FTH1: variants seen among roughly 807,000 people sequenced by gnomAD.
The protein encoded by FTH1 is ferritin heavy chain 1, also known as ferritin heavy chain.
Under a neutral mutation model 21.8 loss-of-function variants are expected in FTH1, and 3 were observed. The ratio of observed to expected loss-of-function variants is 0.14; its 90% confidence interval spans 0.06 to 0.36. The LOEUF is 0.36. Among genes scored for constraint, FTH1 ranks in the 10% least tolerant of loss-of-function variants. The pLI is 1.00. For synonymous variants in FTH1, 83 were observed against 90.1 expected (o/e 0.92, Z 0.45); for missense variants, 147 against 225.8 (o/e 0.65, Z 2.24).
rs751983239 is a variant in FTH1, at chr11:61,967,427, G to A, written c.-2C>T. On this transcript the variant is annotated 5_prime_UTR_variant, in exon 1 of 4. Transcript: ENST00000273550. ...CTGCGAGGTGGACGCGGTCGTCATGGCGGCGACTAAGGAGAGGCGGCGGCG... is the reference window on the plus strand; with the variant it reads ...CTGCGAGGTGGACGCGGTCGTCATGACGGCGACTAAGGAGAGGCGGCGGCG... 1.4e-4 allele frequency: 222 copies of A among 1,595,162 alleles called. No individual in the cohort carries two copies. The highest frequency in any genetic ancestry group is 1.7e-4 in the Non-Finnish European group (205 of 1,172,620).
chr11:61,965,837 G>A (rs1942444545), intron 1 of FTH1, among the ~76,000 whole-genome samples: 1 of 152,232 alleles, frequency 6.6e-6, no homozygotes, highest in Non-Finnish European at 1.5e-5. Context: ...GCCAGTGTCA[G>A]AATTCATTGT....
At chr11:61,965,704 T>C in intron 1 of FTH1, 189 bp from the exon 2 acceptor site, 1 of 663,334 alleles carries the variant, frequency 1.5e-6, no homozygotes, top group Non-Finnish European at 2.7e-6. Context: ...GTAATGTTTC[T>C]ATTCTAAAAT....
At chr11:61,965,276 C>A in intron 2 of FTH1, 93 bp downstream of exon 2, 1 of 1,597,922 alleles carries the variant, frequency 6.3e-7, no homozygotes. Flanking sequence ...AGTGTATCAT[C>A]ACTTTATAAG....
rs1565048081 is a variant in FTH1 at position 61,964,410 on chromosome 11, C to A, written c.*317G>T. 9.5e-6 allele frequency: 6 copies of A among 631,654 alleles called. No homozygotes were observed. The highest frequency in any genetic ancestry group is 3.0e-5 in the Admixed American group (1 of 33,640). 39.1% of individuals were successfully genotyped at this position (631,654 alleles called of 1,614,324 possible). A position where few individuals can be genotyped will look rare whatever the true frequency, so the allele number is the denominator to read the frequency against. Reference sequence around the variant, plus strand: ...GTTCTATCTGAATCCAAGACAGCCACACCTTAGTATACTGCCCAAACTAAT... The same window carrying A: ...GTTCTATCTGAATCCAAGACAGCCAAACCTTAGTATACTGCCCAAACTAAT... On this transcript the variant is annotated 3_prime_UTR_variant, in exon 4 of 4. Transcript: ENST00000273550.
Position 61,964,373 on chromosome 11 carries a change from C to T in FTH1, c.*354G>A, listed in dbSNP as rs189937363. 1.1e-4 allele frequency: 82 copies of T among 744,118 alleles called. 2 individuals are homozygous for T. In the Admixed American group the frequency reaches 1.6e-3, roughly 15 times the overall value. 46.1% of individuals were successfully genotyped at this position (744,118 alleles called of 1,614,324 possible). A position where few individuals can be genotyped will look rare whatever the true frequency, so the allele number is the denominator to read the frequency against. On this transcript the variant is annotated 3_prime_UTR_variant, in exon 4 of 4. Transcript: ENST00000273550. Reference sequence around the variant, plus strand: ...TTAACTCAGACTCTGGATTCAGAGTCGGGAACCCTTAGTTCTATCTGAATC... The same window carrying T: ...TTAACTCAGACTCTGGATTCAGAGTTGGGAACCCTTAGTTCTATCTGAATC...
At chr11:61,965,660 G>A (rs973742151) in intron 1 of FTH1, 145 bp from the exon 2 acceptor site, 2 of 832,916 alleles carry the variant, frequency 2.4e-6, no homozygotes, top group East Asian at 2.5e-5. Flanking sequence ...TAAGGAGACT[G>A]GGGGGCAGAT....
chr11:61,964,637 A>G lies in FTH1; in HGVS notation c.*90T>C, dbSNP rs955558265. 48 of 1,362,648 alleles carry G rather than the reference A, an allele frequency of 3.5e-5. No individual in the cohort carries two copies. The highest frequency in any genetic ancestry group is 4.4e-5 in the Non-Finnish European group (43 of 969,260). 84.4% of individuals were successfully genotyped at this position (1,362,648 alleles called of 1,614,324 possible). A position where few individuals can be genotyped will look rare whatever the true frequency, so the allele number is the denominator to read the frequency against. On this transcript the variant is annotated 3_prime_UTR_variant, in exon 4 of 4. Transcript: ENST00000273550. ...TTAAGTGGATGTTTTGGTACAACTTATAGAAAAGGTAAAGGAAACCCCAAC... is the reference window on the plus strand; with the variant it reads ...TTAAGTGGATGTTTTGGTACAACTTGTAGAAAAGGTAAAGGAAACCCCAAC...
rs774906313 is a variant in FTH1 at position 61,965,355 on chromosome 11, G to A, written c.261+14C>T. 15 of 1,610,178 alleles carry A rather than the reference G, an allele frequency of 9.3e-6. No individual in the cohort carries two copies. The South Asian group carries it at 1.6e-4, about 17-fold the overall frequency. The stretch of plus-strand genomic sequence containing the variant: ...AGATGATGAAGTATGACACCCCTAG[G>A]ATCTTTTGTTCACCTTGATATCCTG... On this transcript the variant is annotated intron_variant, in intron 2 of 3. Transcript: ENST00000273550.
intron 1 of FTH1, 107 bp from the exon 2 acceptor site, chr11:61,965,622 C>A: frequency 8.2e-7 from 1 of 1,213,796 alleles, no homozygotes; most frequent in South Asian, 1.2e-5. Context: ...CTTCCTTTCT[C>A]AAAGCACAGC....
chr11:61,967,032 A>C (rs1269135433), intron 1 of FTH1: 2 of 255,314 alleles, frequency 7.8e-6, no homozygotes, highest in Non-Finnish European at 1.5e-5. Flanking sequence ...CAGTCTTGCA[A>C]CCCCAGGATT....
At position 61,967,585 on chromosome 11, in the gene FTH1, G is replaced by C. The variant is rs1476938547; in HGVS notation, c.-160C>G. 1.4e-6 allele frequency: 1 copy of C among 691,806 alleles called. No individual in the cohort carries two copies. The highest frequency in any genetic ancestry group is 2.6e-6 in the Non-Finnish European group (1 of 382,080). 42.9% of individuals were successfully genotyped at this position (691,806 alleles called of 1,614,324 possible). On this transcript the variant is annotated 5_prime_UTR_variant, in exon 1 of 4. Transcript: ENST00000273550. Reference sequence around the variant, plus strand: ...GGAACGAGCGCCGGGTTCCGTCCAAGCACTGTTGAAGCAGGAAACCCCGAC... The same window carrying C: ...GGAACGAGCGCCGGGTTCCGTCCAACCACTGTTGAAGCAGGAAACCCCGAC...
chr11:61,967,058 C>T (rs1942476451), intron 1 of FTH1: 1 of 298,792 alleles, frequency 3.3e-6, no homozygotes, highest in African/African-American at 2.2e-5. Flanking sequence ...ACACCAAGGT[C>T]TCCTTAAAAA....
intron 1 of FTH1, among the ~76,000 whole-genome samples, chr11:61,966,182 G>A (rs1942456127): frequency 6.6e-6 from 1 of 152,180 alleles, no homozygotes; most frequent in African/African-American, 2.4e-5. Flanking sequence ...CCTGAGGTAA[G>A]AGAATCACTT....
In FTH1 at chr11:61,964,459, G is replaced by A. The variant is rs1028753187; in HGVS notation, c.*268C>T. On this transcript the variant is annotated 3_prime_UTR_variant, in exon 4 of 4. Coordinates refer to ENST00000273550, the MANE Select transcript of FTH1 (RefSeq NM_002032.3). ...ATGAGTTTAATAAATACAAATACTC[G>A]TTTCTTTTTGATTAGTGTGATTAGA... 1.8e-5 allele frequency: 11 copies of A among 612,070 alleles called. No individual in the cohort carries two copies. Among genetic ancestry groups the A allele is most frequent in the Admixed American group, 5.9e-5 (2 of 33,662 alleles). The allele number at this position is 612,070 out of a possible 1,614,324, so 37.9% of individuals were successfully genotyped here.
chr11:61,964,423 T>TGCC lies in FTH1; in HGVS notation c.*301_*303dup. On this transcript the variant is annotated 3_prime_UTR_variant, in exon 4 of 4. Transcript: ENST00000273550. ...CCAAGACAGCCACACCTTAGTATACTGCCCAAACTAATGAGTTTAATAAAT... is the reference window on the plus strand; with the variant it reads ...CCAAGACAGCCACACCTTAGTATACTGCCGCCCAAACTAATGAGTTTAATAAAT... 1.6e-6 allele frequency: 1 copy of TGCC among 618,170 alleles called. No homozygotes were observed. Among genetic ancestry groups the TGCC allele is most frequent in the South Asian group, 2.0e-5 (1 of 49,712 alleles). 38.3% of individuals were successfully genotyped at this position (618,170 alleles called of 1,614,324 possible).
intron 1 of FTH1, among the ~76,000 whole-genome samples, chr11:61,966,429 T>C (rs1174760234): frequency 6.6e-6 from 1 of 152,240 alleles, no homozygotes; most frequent in Non-Finnish European, 1.5e-5. Context: ...GCAGTGACAG[T>C]CACAGAAATA....
intron 1 of FTH1, among the ~76,000 whole-genome samples, chr11:61,966,362 TCA>T (rs756860488): frequency 6.6e-6 from 1 of 152,238 alleles, no homozygotes; most frequent in Non-Finnish European, 1.5e-5. Context: ...AATAGTTATA[TCA>T]CAAAAATTTG....
At position 61,965,197 on chromosome 11, in the gene FTH1, A is replaced by G. The variant is rs1591321068; in HGVS notation, c.262-85T>C. On this transcript the variant is annotated intron_variant, in intron 2 of 3. Coordinates refer to ENST00000273550, the MANE Select transcript of FTH1 (RefSeq NM_002032.3). ...ATCTCTAACCACCACGTTTTGGCAA[A>G]AGGGACATTACTATTTGCCTAATTT... 24 of 1,598,382 alleles carry G rather than the reference A, an allele frequency of 1.5e-5. No individual in the cohort carries two copies. In the East Asian group the frequency reaches 5.3e-4, roughly 36 times the overall value.
Position 61,967,365 on chromosome 11 carries a change from T to C in FTH1, c.61A>G (p.Ile21Val), listed in dbSNP as rs1333542150. 2 of 1,607,298 alleles carry C rather than the reference T, an allele frequency of 1.2e-6. No homozygotes were observed. The highest frequency in any genetic ancestry group is 1.7e-6 in the Non-Finnish European group (2 of 1,177,110). Residue 21 changes from isoleucine to valine, a missense_variant, in exon 1 of 4, where the codon ATC becomes GTC. By Grantham distance (29) the Ile-to-Val change is conservative. Coordinates refer to ENST00000273550, the MANE Select transcript of FTH1 (RefSeq NM_002032.3). ...AGCTCCAGGTTGATCTGGCGGTTGA[T>C]GGCGGCCTCTGAGTCCTGGTGGTAG... ...QNYHQDSEAAINRQINLELYA... is the reference protein window; with the variant it reads ...QNYHQDSEAAVNRQINLELYA...
Sources: allele counts gnomAD v4.1 joint callset (sites outside exome capture counted in the v4.1 genomes callset), GRCh38; gene constraint gnomAD v4.1.1; transcripts MANE v1.5; gene names NCBI Gene and HGNC (gene_info 2026-07-23, HGNC 2026-07-21).